The following SDK1 variants were observed in gnomAD, a reference collection of about 807,000 sequenced individuals.
SDK1 encodes protein sidekick-1.
Under a neutral mutation model 245.5 loss-of-function variants are expected in SDK1, and 157 were observed. The observed-to-expected ratio is 0.64, with a 90% CI of 0.56 to 0.73. SDK1 has a LOEUF of 0.73. Among genes scored for constraint, SDK1 ranks in the 30% least tolerant of loss-of-function variants. The probability of loss-of-function intolerance (pLI) is 0.00; values close to 1 mark genes in which losing one functional copy is unlikely to be tolerated. For missense variants in SDK1, 3,583 were observed against 3,002.3 expected (o/e 1.19, Z -4.52); for synonymous variants, 1,647 against 1,278.5 (o/e 1.29, Z -6.15).
rs111334462 is a variant in SDK1 at position 4,175,281 on chromosome 7, A to T, written c.4937-494A>T. On this transcript the variant is annotated intron_variant, in intron 33 of 44. Coordinates refer to ENST00000404826, the MANE Select transcript of SDK1 (RefSeq NM_152744.4). ...AGGTGGCCCTTGCTGACCACCAGACAGTTGGCATCTCCCTGGGCTCTGTCG... is the reference window on the plus strand; with the variant it reads ...AGGTGGCCCTTGCTGACCACCAGACTGTTGGCATCTCCCTGGGCTCTGTCG... Among the ~76,000 whole-genome samples, 553 of 152,318 alleles carry T rather than the reference A, an allele frequency of 3.6e-3. 5 individuals carry two copies. Among genetic ancestry groups the T allele is most frequent in the African/African-American group, 0.013 (522 of 41,572 alleles).
At chr7:3,519,171 T>G (rs762708553) in intron 1 of SDK1, among the ~76,000 whole-genome samples, 2 of 151,956 alleles carry the variant, frequency 1.3e-5, no homozygotes, top group African/African-American at 4.8e-5. Context: ...GAGAGAGTTG[T>G]TAAAGGATAT....
intron 19 of SDK1, among the ~76,000 whole-genome samples, chr7:4,062,621 C>T (rs1779611871): frequency 6.6e-6 from 1 of 152,094 alleles, no homozygotes; most frequent in Admixed American, 6.6e-5. Flanking sequence ...GTCAGTGTTA[C>T]CCAGATACCA....
intron 4 of SDK1, among the ~76,000 whole-genome samples, chr7:3,801,745 C>A (rs1262121339): frequency 6.6e-6 from 1 of 152,160 alleles, no homozygotes; most frequent in Non-Finnish European, 1.5e-5. Flanking sequence ...CTCCTTTGGC[C>A]CTTGGAACAC....
intron 40 of SDK1, among the ~76,000 whole-genome samples, chr7:4,229,082 C>T (rs892342400): frequency 5.9e-5 from 9 of 152,168 alleles, no homozygotes; most frequent in Non-Finnish European, 8.8e-5. Context: ...CTCATTTTTG[C>T]TAATAGTTCT....
At chr7:4,193,372 T>TTTTA (rs1206363548) in intron 35 of SDK1, among the ~76,000 whole-genome samples, 13 of 103,080 alleles carry the variant, frequency 1.3e-4, no homozygotes, top group African/African-American at 5.1e-4. Context: ...ATTAAAATAT[T>TTTTA]TATATATATA....
chr7:3,537,789 G>T (rs1778929544), intron 1 of SDK1, among the ~76,000 whole-genome samples: 1 of 152,198 alleles, frequency 6.6e-6, no homozygotes, highest in Non-Finnish European at 1.5e-5. Flanking sequence ...GGAGAAGACT[G>T]TATTCCTCTT....
At chr7:4,093,922 C>A (rs1158044421) in intron 22 of SDK1, among the ~76,000 whole-genome samples, 4 of 152,172 alleles carry the variant, frequency 2.6e-5, no homozygotes, top group African/African-American at 9.7e-5. Context: ...TGCGATACAC[C>A]TCTCCCAGAG....
chr7:3,349,868 C>G (rs1186802272), intron 1 of SDK1, among the ~76,000 whole-genome samples: 14 of 152,184 alleles, frequency 9.2e-5, no homozygotes, highest in Non-Finnish European at 1.5e-5. Flanking sequence ...TCCCAAAGTG[C>G]TGGGATTACA....
chr7:3,955,044 C>T (rs188777375), intron 7 of SDK1, among the ~76,000 whole-genome samples: 233 of 152,202 alleles, frequency 1.5e-3, no homozygotes, highest in African/African-American at 5.0e-3. Flanking sequence ...ATCTTCCCTC[C>T]GAGCCACGCC....
intron 5 of SDK1, among the ~76,000 whole-genome samples, chr7:3,905,332 G>A (rs1778863121): frequency 1.3e-5 from 2 of 152,066 alleles, no homozygotes; most frequent in Non-Finnish European, 2.9e-5. Flanking sequence ...ATCACTGGAG[G>A]TAATGTTACT....
At chr7:4,083,239 C>G (rs1186088013) in intron 22 of SDK1, among the ~76,000 whole-genome samples, 2 of 152,108 alleles carry the variant, frequency 1.3e-5, no homozygotes, top group African/African-American at 4.8e-5. Context: ...TCAAAGGTGT[C>G]CTTGCAGCCC....
intron 1 of SDK1, among the ~76,000 whole-genome samples, chr7:3,456,531 G>A (rs1180673613): frequency 6.6e-6 from 1 of 152,010 alleles, no homozygotes; most frequent in African/African-American, 2.4e-5. Context: ...TTCAGTTATT[G>A]TATTTTTCAG....
chr7:4,054,233 A>G (rs1013382414), intron 19 of SDK1, among the ~76,000 whole-genome samples: 1 of 152,076 alleles, frequency 6.6e-6, no homozygotes, highest in Non-Finnish European at 1.5e-5. Flanking sequence ...AAGCCACCAC[A>G]CTCACCAAGG....
intron 1 of SDK1, among the ~76,000 whole-genome samples, chr7:3,575,425 A>G (rs976653594): frequency 6.6e-6 from 1 of 152,022 alleles, no homozygotes; most frequent in African/African-American, 2.4e-5. Flanking sequence ...TAGGGCATCA[A>G]ACGAATGAAT....
intron 5 of SDK1, among the ~76,000 whole-genome samples, chr7:3,856,475 T>C (rs1162393732): frequency 3.0e-5 from 3 of 100,004 alleles, no homozygotes; most frequent in African/African-American, 1.3e-4. Flanking sequence ...GCCTTTCAGG[T>C]AATGTTAAAA....
intron 38 of SDK1, 148 bp downstream of exon 38, chr7:4,210,310 G>A (rs113374279): frequency 0.025 from 22,112 of 902,284 alleles, 363 homozygotes; most frequent in South Asian, 0.056. Flanking sequence ...TGAGCTGGAC[G>A]GGGCTGGAGC....
chr7:3,959,663 G>A (rs1453017982), intron 8 of SDK1, among the ~76,000 whole-genome samples: 2 of 152,194 alleles, frequency 1.3e-5, no homozygotes, highest in African/African-American at 2.4e-5. Flanking sequence ...GTGAGAACAG[G>A]CAGTCTTTGT....
intron 13 of SDK1, among the ~76,000 whole-genome samples, chr7:3,980,172 C>G (rs571434945): frequency 2.6e-5 from 4 of 152,324 alleles, no homozygotes; most frequent in African/African-American, 9.6e-5. Flanking sequence ...CTTATCTGAT[C>G]CTCTTCTGCC....
chr7:4,210,418 C>T (rs185302862), intron 38 of SDK1, among the ~76,000 whole-genome samples: 3 of 152,312 alleles, frequency 2.0e-5, no homozygotes, highest in African/African-American at 4.8e-5. Context: ...CGGCACTCTC[C>T]CTCTGAAGCC....
Sources: allele counts gnomAD v4.1 joint callset (sites outside exome capture counted in the v4.1 genomes callset), GRCh38; gene constraint gnomAD v4.1.1; transcripts MANE v1.5; gene names NCBI Gene and HGNC (gene_info 2026-07-23, HGNC 2026-07-21).